NKAIN2: variants seen among roughly 807,000 people sequenced by gnomAD.
NKAIN2 encodes sodium/potassium-transporting ATPase subunit beta-1-interacting protein 2.
Under a neutral mutation model 32.6 loss-of-function variants are expected in NKAIN2, and 14 were observed. The ratio of observed to expected loss-of-function variants is 0.43; its 90% CI spans 0.28 to 0.67. NKAIN2 has a LOEUF of 0.67. Among genes scored for constraint, NKAIN2 ranks in the 30% least tolerant of loss-of-function variants. The pLI is 0.17. For synonymous variants in NKAIN2, 80 were observed against 87.2 expected (o/e 0.92, Z 0.46); for missense variants, 198 against 258.3 (o/e 0.77, Z 1.60).
At chr6:124,100,302 TA>T (rs1443669189) in intron 1 of NKAIN2, among the ~76,000 whole-genome samples, 1 of 152,212 alleles carries the variant, frequency 6.6e-6, no homozygotes, top group African/African-American at 2.4e-5. Context: ...GGAGTTTATT[TA>T]GAAAGAAAAT....
At chr6:124,797,169 CAAAAA>C (rs563319426) in intron 5 of NKAIN2, among the ~76,000 whole-genome samples, 26 of 87,130 alleles carry the variant, frequency 3.0e-4, no homozygotes, top group African/African-American at 9.3e-4. Flanking sequence ...TCCATGTTAG[CAAAAA>C]AAAAAAAAAA....
intron 1 of NKAIN2, among the ~76,000 whole-genome samples, chr6:123,966,817 C>T (rs755637852): frequency 7.9e-5 from 12 of 152,166 alleles, no homozygotes; most frequent in African/African-American, 2.4e-4. Context: ...ATACTGTTCA[C>T]GTGTCAGATG....
intron 3 of NKAIN2, among the ~76,000 whole-genome samples, chr6:124,583,372 T>G (rs1781593911): frequency 6.6e-6 from 1 of 152,058 alleles, no homozygotes; most frequent in Non-Finnish European, 1.5e-5. Context: ...CAATTTACAG[T>G]AGCTATAAAT....
chr6:124,409,790 A>C (rs146235825), intron 3 of NKAIN2, among the ~76,000 whole-genome samples: 5,036 of 152,080 alleles, frequency 0.033, 270 homozygotes, highest in African/African-American at 0.11. Context: ...CATTGTACCT[A>C]TGGTAGAATT....
intron 2 of NKAIN2, among the ~76,000 whole-genome samples, chr6:124,291,277 G>A (rs2689871): frequency 0.27 from 40,608 of 151,388 alleles, 6,883 homozygotes; most frequent in African/African-American, 0.49. Flanking sequence ...AACTGCTTGA[G>A]ATATTCATTT....
intron 5 of NKAIN2, among the ~76,000 whole-genome samples, chr6:124,801,727 G>A (rs1048854622): frequency 2.0e-5 from 3 of 152,138 alleles, no homozygotes; most frequent in African/African-American, 7.2e-5. Context: ...AGGGGATGGA[G>A]GTGCCATGGG....
At chr6:124,240,095 C>T (rs572950055) in intron 1 of NKAIN2, among the ~76,000 whole-genome samples, 3 of 152,048 alleles carry the variant, frequency 2.0e-5, no homozygotes, top group African/African-American at 7.2e-5. Flanking sequence ...TACAAACTAC[C>T]ATCAGAGAAT....
chr6:123,811,690 T>C (rs912542280), intron 1 of NKAIN2, among the ~76,000 whole-genome samples: 1 of 152,048 alleles, frequency 6.6e-6, no homozygotes, highest in African/African-American at 2.4e-5. Flanking sequence ...ATCTTTACAG[T>C]TTTAATGTTT....
chr6:124,162,491 C>T (rs1349494158), intron 1 of NKAIN2, among the ~76,000 whole-genome samples: 3 of 152,072 alleles, frequency 2.0e-5, no homozygotes, highest in Non-Finnish European at 4.4e-5. Context: ...ATGAACTATG[C>T]ATGTGTATAG....
chr6:124,543,296 C>G (rs1334450464), intron 3 of NKAIN2, among the ~76,000 whole-genome samples: 1 of 152,142 alleles, frequency 6.6e-6, no homozygotes, highest in East Asian at 1.9e-4. Context: ...CTTCCACTAC[C>G]TAGCCAAATA....
intron 3 of NKAIN2, among the ~76,000 whole-genome samples, chr6:124,616,139 C>T (rs1451392678): frequency 6.6e-6 from 1 of 152,096 alleles, no homozygotes; most frequent in East Asian, 1.9e-4. Flanking sequence ...TCCCCAAACT[C>T]TATCCTCTTC....
chr6:124,740,165 C>A (rs1003419027), intron 4 of NKAIN2, among the ~76,000 whole-genome samples: 2 of 151,142 alleles, frequency 1.3e-5, no homozygotes, highest in East Asian at 3.9e-4. Flanking sequence ...GCTACTGTGA[C>A]TGAAATGTAT....
chr6:124,130,745 T>G (rs2115005464), intron 1 of NKAIN2, among the ~76,000 whole-genome samples: 1 of 152,316 alleles, frequency 6.6e-6, no homozygotes, highest in East Asian at 1.9e-4. Context: ...AGGATGATTT[T>G]TTTAAAGAAA....
intron 1 of NKAIN2, among the ~76,000 whole-genome samples, chr6:123,843,585 CTG>C (rs1221792401): frequency 6.6e-6 from 1 of 152,106 alleles, no homozygotes; most frequent in Non-Finnish European, 1.5e-5. Flanking sequence ...TTATTTAGGG[CTG>C]TGAGTCCAGG....
chr6:124,108,921 T>A (rs1403687540), intron 1 of NKAIN2, among the ~76,000 whole-genome samples: 1 of 152,058 alleles, frequency 6.6e-6, no homozygotes, highest in Non-Finnish European at 1.5e-5. Context: ...GCCAGTACCA[T>A]ACTATTTTGA....
intron 1 of NKAIN2, among the ~76,000 whole-genome samples, chr6:124,186,280 AAGAG>A (rs927299657): frequency 2.6e-5 from 4 of 151,810 alleles, no homozygotes; most frequent in Non-Finnish European, 4.4e-5. Context: ...AGGAGAAAGA[AAGAG>A]AGAGAGAGAA....
At chr6:124,181,729 G>A (rs571236132) in intron 1 of NKAIN2, among the ~76,000 whole-genome samples, 7 of 152,050 alleles carry the variant, frequency 4.6e-5, no homozygotes, top group East Asian at 1.9e-4. Flanking sequence ...CCTTTGCTCC[G>A]GCTCCCAACA....
intron 3 of NKAIN2, among the ~76,000 whole-genome samples, chr6:124,516,668 T>C (rs997409239): frequency 4.6e-5 from 7 of 152,190 alleles, no homozygotes; most frequent in African/African-American, 1.7e-4. Context: ...TATGTCTGCA[T>C]GTGTATTTTA....
At chr6:124,077,307 A>T (rs9320978) in intron 1 of NKAIN2, among the ~76,000 whole-genome samples, 2,354 of 152,268 alleles carry the variant, frequency 0.015, 58 homozygotes, top group African/African-American at 0.054. Context: ...ATTTTCATAC[A>T]TGTATTTTAT....
Sources: allele counts gnomAD v4.1 joint callset (sites outside exome capture counted in the v4.1 genomes callset), GRCh38; gene constraint gnomAD v4.1.1; transcripts MANE v1.5; gene names NCBI Gene and HGNC (gene_info 2026-07-23, HGNC 2026-07-21).